COX18: variants seen among roughly 807,000 people sequenced by gnomAD.
The protein encoded by COX18 is cytochrome c oxidase assembly protein COX18, mitochondrial.
A neutral mutation model predicts 38.0 loss-of-function variants in COX18; 45 were observed. The ratio of observed to expected loss-of-function variants is 1.18; its 90% CI spans 0.93 to 1.52. The LOEUF (loss-of-function observed/expected upper bound fraction) is 1.52, where lower values mean the gene tolerates loss of function less well. COX18 is among the 40% of genes most tolerant of loss of function. The pLI is 0.00. For missense variants in COX18, 462 were observed against 423.8 expected (o/e 1.09, Z -0.79); for synonymous variants, 177 against 169.8 (o/e 1.04, Z -0.33).
rs781343240 is a variant in COX18 at position 73,065,344 on chromosome 4, G to A, written c.504C>T (p.Phe168=). ...GAATCCAAACCAACACAGTGGCTTT[G>A]AAAGGGTGGCAGTTATCTCGCACAT... ...ELYVRDNCHP[F]KATVLVWIQL... is the part of the protein sequence containing the mutation. The change falls in exon 3 of 6, where the codon TTC becomes TTT. Residue 168 remains phenylalanine, a synonymous_variant. Coordinates refer to ENST00000507544, the MANE Select transcript of COX18 (RefSeq NM_001297732.2). 6.2e-7 allele frequency: 1 copy of A among 1,613,852 alleles called. No individual in the cohort carries two copies. The highest frequency in any genetic ancestry group is 1.3e-5 in the African/African-American group (1 of 74,880).
chr4:73,064,730 A>G (rs745935802), intron 4 of COX18, 48 bp downstream of exon 4: 1 of 1,596,950 alleles, frequency 6.3e-7, no homozygotes, highest in South Asian at 1.1e-5. Flanking sequence ...AACAGCAGCA[A>G]CAAAAATCCC....
At chr4:73,062,736 C>A (rs908009400) in intron 4 of COX18, among the ~76,000 whole-genome samples, 32 of 151,680 alleles carry the variant, frequency 2.1e-4, no homozygotes, top group African/African-American at 7.5e-4. Context: ...AGGAGGGAGG[C>A]TGAGGTGGGA....
At chr4:73,062,006 A>G in intron 4 of COX18, 86 bp from the exon 5 acceptor site, 1 of 616,764 alleles carries the variant, frequency 1.6e-6, no homozygotes, top group Admixed American at 2.9e-5. Flanking sequence ...CTGATTTTTC[A>G]CTGGCCTCCA....
chr4:73,055,233 G>A lies in COX18; in HGVS notation c.*2881C>T, dbSNP rs1046332421. On this transcript the variant is annotated 3_prime_UTR_variant, in exon 6 of 6. Transcript: ENST00000507544. Reference sequence around the variant, plus strand: ...CTTTCCTCTTTTTACTATGACCTAAGCTGCACACACATTTCTGCCTCTGCA... The same window carrying A: ...CTTTCCTCTTTTTACTATGACCTAAACTGCACACACATTTCTGCCTCTGCA... The A allele has an allele frequency of 6.6e-6, 1 of 152,180 alleles. No homozygotes were observed. The highest frequency in any genetic ancestry group is 1.5e-5 in the Non-Finnish European group (1 of 68,044). 9.4% of individuals were successfully genotyped at this position (152,180 alleles called of 1,614,324 possible). A position where few individuals can be genotyped will look rare whatever the true frequency, so the allele number is the denominator to read the frequency against.
chr4:73,061,954 T>A, intron 4 of COX18, 34 bp from the exon 5 acceptor site: 1 of 1,082,818 alleles, frequency 9.2e-7, no homozygotes, highest in Non-Finnish European at 1.4e-6. Context: ...GCATAATGAT[T>A]ATTAAAACGC....
Position 73,052,734 on chromosome 4 carries a change from A to T in COX18, c.*5380T>A, listed in dbSNP as rs1188158405. 1.3e-5 allele frequency: 2 copies of T among 152,184 alleles called. No individual in the cohort carries two copies. The highest frequency in any genetic ancestry group is 2.9e-5 in the Non-Finnish European group (2 of 68,026). 9.4% of individuals were successfully genotyped at this position (152,184 alleles called of 1,614,324 possible). On this transcript the variant is annotated 3_prime_UTR_variant, in exon 6 of 6. Coordinates refer to ENST00000507544, the MANE Select transcript of COX18 (RefSeq NM_001297732.2). Reference sequence around the variant, plus strand: ...TGTTTTACACCATATTTACATGAAGATTTAGCTTTAATACAGAAATCTAAA... The same window carrying T: ...TGTTTTACACCATATTTACATGAAGTTTTAGCTTTAATACAGAAATCTAAA...
intron 4 of COX18, among the ~76,000 whole-genome samples, chr4:73,062,366 AACG>A (rs947968332): frequency 2.0e-5 from 3 of 152,180 alleles, no homozygotes; most frequent in African/African-American, 4.8e-5. Context: ...TCTTAAAAAA[AACG>A]ACAACAAAAA....
In COX18 at chr4:73,052,729, T is replaced by C. The variant is rs1209578345; in HGVS notation, c.*5385A>G. On this transcript the variant is annotated 3_prime_UTR_variant, in exon 6 of 6. Transcript: ENST00000507544. ...TGCATTGTTTTACACCATATTTACA[T>C]GAAGATTTAGCTTTAATACAGAAAT... The C allele has an allele frequency of 2.0e-5, 3 of 152,226 alleles. No homozygotes were observed. Among genetic ancestry groups the C allele is most frequent in the East Asian group, 1.9e-4 (1 of 5,200 alleles). The allele number at this position is 152,226 out of a possible 1,614,324, so 9.4% of individuals were successfully genotyped here.
intron 2 of COX18, among the ~76,000 whole-genome samples, chr4:73,066,430 G>A (rs955617320): frequency 6.6e-6 from 1 of 152,192 alleles, no homozygotes; most frequent in African/African-American, 2.4e-5. Flanking sequence ...GCTTGCACTT[G>A]TAATTCCAGC....
At position 73,057,514 on chromosome 4, in the gene COX18, C is replaced by T. The variant is rs908995319; in HGVS notation, c.*600G>A. ...TTGTTTAGTTTAACTTGCCATCATT[C>T]AGTAGCTAACCCTATTCTCCAAAGT... On this transcript the variant is annotated 3_prime_UTR_variant, in exon 6 of 6. Transcript: ENST00000507544. The T allele has an allele frequency of 6.6e-6, 1 of 152,138 alleles. No homozygotes were observed. Among genetic ancestry groups the T allele is most frequent in the Non-Finnish European group, 1.5e-5 (1 of 68,068 alleles). 9.4% of individuals were successfully genotyped at this position (152,138 alleles called of 1,614,324 possible).
Position 73,058,263 on chromosome 4 carries a change from A to C in COX18, c.856T>G (p.Ser286Ala). 1.2e-6 allele frequency: 2 copies of C among 1,612,606 alleles called. No individual in the cohort carries two copies. The highest frequency in any genetic ancestry group is 1.7e-6 in the Non-Finnish European group (2 of 1,179,548). ...TTCTGTGAAAGGCCCACGAAGCTGG[A>C]GCATAACCAGTAGAGAACAATTGAC... ...PSSIVLYWLC[S>A]SFVGLSQNLL... Residue 286 changes from serine to alanine, a missense_variant, in exon 6 of 6, where the codon TCC (serine) becomes GCC (alanine). Ser to Ala is a moderately conservative substitution (Grantham distance 99). Coordinates refer to ENST00000507544, the MANE Select transcript of COX18 (RefSeq NM_001297732.2).
chr4:73,066,281 G>A (rs1042590805), intron 2 of COX18, among the ~76,000 whole-genome samples: 14 of 152,124 alleles, frequency 9.2e-5, no homozygotes, highest in South Asian at 2.1e-4. Context: ...TCAGACTTCC[G>A]CATAGGCATG....
At chr4:73,064,414 A>G (rs1164735780) in intron 4 of COX18, among the ~76,000 whole-genome samples, 1 of 152,228 alleles carries the variant, frequency 6.6e-6, no homozygotes, top group Non-Finnish European at 1.5e-5. Context: ...ACAAATTCAC[A>G]TATTAAACAC....
rs1213969385 is a variant in COX18 at position 73,053,616 on chromosome 4, T to C, written c.*4498A>G. ...TGTTCTTTCGGTTTGGACGGGTAAA[T>C]GGGTGGTTCTTAGATGAAGATATGG... On this transcript the variant is annotated 3_prime_UTR_variant, in exon 6 of 6. Coordinates refer to ENST00000507544, the MANE Select transcript of COX18 (RefSeq NM_001297732.2). 6.6e-6 allele frequency: 1 copy of C among 152,210 alleles called. No individual in the cohort carries two copies. The highest frequency in any genetic ancestry group is 1.5e-5 in the Non-Finnish European group (1 of 68,054). 9.4% of individuals were successfully genotyped at this position (152,210 alleles called of 1,614,324 possible).
Position 73,069,708 on chromosome 4 carries a change from C to T in COX18, c.-59G>A, listed in dbSNP as rs1435145059. On this transcript the variant is annotated 5_prime_UTR_variant, in exon 1 of 6. Transcript: ENST00000507544. ...TCACAATCCAGCGGACATACACCGG[C>T]CAGCCAAGGCTGATACGCGCACGCG... The T allele has an allele frequency of 1.3e-6, 2 of 1,485,828 alleles. No individual in the cohort carries two copies. Among genetic ancestry groups the T allele is most frequent in the African/African-American group, 2.8e-5 (2 of 72,030 alleles). 92.0% of individuals were successfully genotyped at this position (1,485,828 alleles called of 1,614,324 possible).
chr4:73,061,865 A>G lies in COX18; in HGVS notation c.779T>C (p.Phe260Ser). ...CATCAACACCGACATTGCACGGACA[A>G]AGTACGTAATATACGTCTGAAAACG... Reference protein sequence around the residue: ...MSRFQTYITYFVRAMSVLMIP... With the variant: ...MSRFQTYITYSVRAMSVLMIP... The change falls in exon 5 of 6, where the codon TTT becomes TCT. Residue 260 changes from phenylalanine to serine, a missense_variant. Physicochemically the swap from Phe to Ser is radical, Grantham distance 155 (BLOSUM62 -2). Coordinates refer to ENST00000507544, the MANE Select transcript of COX18 (RefSeq NM_001297732.2). The G allele has an allele frequency of 4.3e-6, 7 of 1,613,910 alleles. No individual in the cohort carries two copies. The highest frequency in any genetic ancestry group is 5.9e-6 in the Non-Finnish European group (7 of 1,179,838).
Position 73,069,504 on chromosome 4 carries a change from A to G in COX18, c.146T>C (p.Val49Ala). The change falls in exon 1 of 6, where the codon GTA (valine) becomes GCA (alanine). Residue 49 changes from valine to alanine, a missense_variant. By Grantham distance (64) the Val-to-Ala change is moderately conservative (BLOSUM62 0). Coordinates refer to ENST00000507544, the MANE Select transcript of COX18 (RefSeq NM_001297732.2). ...GGCCTCGTACCAGCCGTTCGCATGT[A>G]CTGCAGAGACTGGTGCCACTGCCCA... The part of the protein sequence containing the change: ...PVWAVAPVSA[V>A]HANGWYEALA... The G allele has an allele frequency of 6.3e-7, 1 of 1,589,912 alleles. No individual in the cohort carries two copies. Among genetic ancestry groups the G allele is most frequent in the Non-Finnish European group, 8.6e-7 (1 of 1,168,898 alleles).
rs1261217609 is a variant in COX18 at position 73,056,272 on chromosome 4, C to T, written c.*1842G>A. On this transcript the variant is annotated 3_prime_UTR_variant, in exon 6 of 6. Transcript: ENST00000507544. ...TTAAATAAGCAAGTAACTGGATCCA[C>T]AATTTATAATACCTGTCAATTTTTT... The T allele has an allele frequency of 6.6e-6, 1 of 152,204 alleles. No homozygotes were observed. The highest frequency in any genetic ancestry group is 1.5e-5 in the Non-Finnish European group (1 of 68,044). The allele number at this position is 152,204 out of a possible 1,614,324, so 9.4% of individuals were successfully genotyped here. A position where few individuals can be genotyped will look rare whatever the true frequency, so the allele number is the denominator to read the frequency against.
chr4:73,069,498 G>A lies in COX18; in HGVS notation c.152C>T (p.Ala51Val). The change falls in exon 1 of 6, where the codon GCG becomes GTG. Residue 51 changes from alanine (A) to valine (V), a missense_variant. Coordinates refer to ENST00000507544, the MANE Select transcript of COX18 (RefSeq NM_001297732.2). Reference sequence around the variant, plus strand: ...GGCCAGGGCCTCGTACCAGCCGTTCGCATGTACTGCAGAGACTGGTGCCAC... The same window carrying A: ...GGCCAGGGCCTCGTACCAGCCGTTCACATGTACTGCAGAGACTGGTGCCAC... ...WAVAPVSAVH[A>V]NGWYEALAAS... 38 of 1,591,902 alleles carry A rather than the reference G, an allele frequency of 2.4e-5. No individual in the cohort carries two copies. Among genetic ancestry groups the A allele is most frequent in the Non-Finnish European group, 3.2e-5 (37 of 1,169,976 alleles).
Sources: gnomAD v4.1 joint callset for allele counts (sites outside exome capture counted in the v4.1 genomes callset) on GRCh38, gnomAD v4.1.1 for gene constraint, MANE v1.5 for transcripts, NCBI Gene and HGNC (gene_info 2026-07-23, HGNC 2026-07-21) for gene names.